The following QRFPR variants were observed in gnomAD, a reference collection of about 807,000 sequenced individuals.
QRFPR encodes the protein pyroglutamylated RFamide peptide receptor.
Under a neutral mutation model 31.3 loss-of-function variants are expected in QRFPR, and 37 were observed. That is an observed-to-expected ratio of 1.18 (90% confidence interval 0.91 to 1.56). QRFPR has a LOEUF of 1.56. QRFPR is among the 40% of genes most tolerant of loss of function. QRFPR has a pLI of 0.00. For missense variants in QRFPR, 542 were observed against 532.5 expected (o/e 1.02, Z -0.18); for synonymous variants, 197 against 192.0 (o/e 1.03, Z -0.22).
rs1239344940 is a variant in QRFPR at position 121,380,479 on chromosome 4, C to T, written c.169G>A (p.Ala57Thr). The change falls in exon 1 of 6, where the codon GCC becomes ACC. Residue 57 changes from alanine (A) to threonine (T), a missense_variant. Coordinates refer to ENST00000394427, the MANE Select transcript of QRFPR (RefSeq NM_198179.3). ...ALVLTGVLIFALALFGNALVF... is the reference protein window; with the variant it reads ...ALVLTGVLIFTLALFGNALVF... ...AGAGCATTGCCAAAGAGCGCCAGGG[C>T]GAAGATGAGCACGCCGGTGAGCACG... 6.2e-7 allele frequency: 1 copy of T among 1,614,102 alleles called. No individual in the cohort carries two copies. The highest frequency in any genetic ancestry group is 8.5e-7 in the Non-Finnish European group (1 of 1,180,034).
intron 1 of QRFPR, among the ~76,000 whole-genome samples, chr4:121,363,483 C>T (rs1262539060): frequency 2.0e-5 from 3 of 150,100 alleles, no homozygotes; most frequent in African/African-American, 7.4e-5. Flanking sequence ...AATAGCCTTG[C>T]CATAATTCTA....
chr4:121,353,116 A>G (rs945668633), intron 1 of QRFPR, among the ~76,000 whole-genome samples: 3 of 152,072 alleles, frequency 2.0e-5, no homozygotes, highest in African/African-American at 7.2e-5. Flanking sequence ...CAATTCATCC[A>G]TTGGTGGATA....
Position 121,367,386 on chromosome 4 carries a change from C to G in QRFPR, c.340+12922G>C, listed in dbSNP as rs567171313. Among the ~76,000 whole-genome samples the G allele has an allele frequency of 2.0e-5, 3 of 150,216 alleles. No homozygotes were observed. The South Asian group carries it at 6.4e-4, about 32-fold the overall frequency. On this transcript the variant is annotated intron_variant, in intron 1 of 5. Transcript: ENST00000394427. ...GCTTCTGAAATAAATGAAAGCAGCA[C>G]CCTTTTCTGTTTTCTGAGTACAAAT... is the stretch of plus-strand genomic sequence containing the variant.
At chr4:121,379,273 C>T (rs1726421258) in intron 1 of QRFPR, among the ~76,000 whole-genome samples, 2 of 152,230 alleles carry the variant, frequency 1.3e-5, no homozygotes, top group Non-Finnish European at 2.9e-5. Context: ...AAAAGCAATG[C>T]TCACGATCTC....
At chr4:121,349,801 C>G (rs1311109056) in intron 1 of QRFPR, among the ~76,000 whole-genome samples, 1 of 152,162 alleles carries the variant, frequency 6.6e-6, no homozygotes, top group Non-Finnish European at 1.5e-5. Flanking sequence ...GAATGGTTAT[C>G]AAATTGTTCA....
chr4:121,358,741 T>C (rs1579582486), intron 1 of QRFPR, among the ~76,000 whole-genome samples: 1 of 152,328 alleles, frequency 6.6e-6, no homozygotes, highest in South Asian at 2.1e-4. Flanking sequence ...TCCTTATTTA[T>C]GACATAAGCT....
At chr4:121,377,411 ATATTT>A (rs755684266) in intron 1 of QRFPR, among the ~76,000 whole-genome samples, 8 of 105,824 alleles carry the variant, frequency 7.6e-5, no homozygotes, top group African/African-American at 2.3e-4. Context: ...ATATATATAT[ATATTT>A]TTTTTTTTTT....
At chr4:121,346,115 G>C (rs1276817061) in intron 1 of QRFPR, among the ~76,000 whole-genome samples, 1 of 152,180 alleles carries the variant, frequency 6.6e-6, no homozygotes, top group Non-Finnish European at 1.5e-5. Flanking sequence ...ACACATTGCA[G>C]TTTCATAAAG....
rs1008608156 is a variant in QRFPR, at chr4:121,338,717, C to T, written c.499+1735G>A. 2.8e-4 allele frequency among the ~76,000 whole-genome samples: 43 copies of T among 152,296 alleles called. 1 individual carries two copies. The highest frequency in any genetic ancestry group is 9.6e-4 in the African/African-American group (40 of 41,566). On this transcript the variant is annotated intron_variant, in intron 2 of 5. Transcript: ENST00000394427. ...GCTGAATGACAGTGTGACAAAGCTA[C>T]AGGAGACATTAGACCACAGTTCACA...
chr4:121,373,203 G>A (rs1726284742), intron 1 of QRFPR, among the ~76,000 whole-genome samples: 1 of 152,194 alleles, frequency 6.6e-6, no homozygotes, highest in African/African-American at 2.4e-5. Flanking sequence ...AGTGCACAGT[G>A]AAATATTTAA....
chr4:121,341,540 A>G lies in QRFPR; in HGVS notation c.341-930T>C, dbSNP rs538186317. Among the ~76,000 whole-genome samples the G allele has an allele frequency of 9.2e-5, 14 of 152,350 alleles. 1 individual carries two copies. Among genetic ancestry groups the G allele is most frequent in the African/African-American group, 3.4e-4 (14 of 41,588 alleles). ...AAATCTGAAATGATCTAAAACCCAA[A>G]GCTTTTTTGAGTGCTGATATGATGC... is the stretch of plus-strand genomic sequence containing the variant. On this transcript the variant is annotated intron_variant, in intron 1 of 5. Transcript: ENST00000394427.
At chr4:121,349,749 T>C (rs1725728560) in intron 1 of QRFPR, among the ~76,000 whole-genome samples, 1 of 152,176 alleles carries the variant, frequency 6.6e-6, no homozygotes, top group African/African-American at 2.4e-5. Flanking sequence ...GCATTTAAAA[T>C]ATAAAATCCT....
At chr4:121,380,270 AAG>A (rs748868531) in intron 1 of QRFPR, 36 bp downstream of exon 1, 71 of 1,413,522 alleles carry the variant, frequency 5.0e-5, no homozygotes, top group Non-Finnish European at 6.7e-5. Context: ...GCAGAGGGTT[AAG>A]AGAGAAGGAG....
chr4:121,340,647 C>A lies in QRFPR; in HGVS notation c.341-37G>T, dbSNP rs1298464509. The A allele has an allele frequency of 3.8e-6, 6 of 1,584,084 alleles. No individual in the cohort carries two copies. In the Admixed American group the frequency reaches 5.2e-5, roughly 14 times the overall value. On this transcript the variant is annotated intron_variant, in intron 1 of 5. Transcript: ENST00000394427. ...AAATAGGACAAATCATACATCAAAACAAAAAGAATAAAGGTTTCATCTGTG... is the reference window on the plus strand; with the variant it reads ...AAATAGGACAAATCATACATCAAAAAAAAAAGAATAAAGGTTTCATCTGTG...
chr4:121,365,597 TATATAATA>T (rs1240887867), intron 1 of QRFPR, among the ~76,000 whole-genome samples: 10,389 of 21,992 alleles, frequency 0.47, 2,534 homozygotes, highest in Non-Finnish European at 0.52. Context: ...ATATTATATA[TATATAATA>T]TATATATTAT....
chr4:121,369,870 C>T (rs545543056), intron 1 of QRFPR: 16 of 830,698 alleles, frequency 1.9e-5, no homozygotes, highest in South Asian at 1.7e-4. Flanking sequence ...GTTATCTCTC[C>T]ACTCTGCAGC....
In QRFPR at chr4:121,380,302, T is replaced by A. The variant is rs200533260; in HGVS notation, c.340+6A>T. 2.3e-4 allele frequency: 362 copies of A among 1,599,410 alleles called. 1 individual carries two copies. The East Asian group carries it at 2.4e-3, about 11-fold the overall frequency. On this transcript the variant is annotated splice_donor_region_variant and intron_variant, in intron 1 of 5. Transcript: ENST00000394427. ...AAGGAGCGAAGGAGCGGGGCGCGAC[T>A]CTTACCCCCCAGCCAGTTGTCGGAA...
intron 1 of QRFPR, among the ~76,000 whole-genome samples, chr4:121,341,236 A>G (rs965342638): frequency 6.6e-6 from 1 of 152,342 alleles, no homozygotes; most frequent in Middle Eastern, 3.4e-3. Flanking sequence ...CAATCTTTTA[A>G]AATGTTTATA....
intron 4 of QRFPR, 127 bp downstream of exon 4, chr4:121,332,694 C>A: frequency 1.4e-6 from 1 of 692,168 alleles, no homozygotes; most frequent in Non-Finnish European, 2.5e-6. Context: ...CAGTCCATGC[C>A]CTAAATTTGA....
Sources: gnomAD v4.1 joint callset for allele counts (sites outside exome capture counted in the v4.1 genomes callset) on GRCh38, gnomAD v4.1.1 for gene constraint, MANE v1.5 for transcripts, NCBI Gene and HGNC (gene_info 2026-07-23, HGNC 2026-07-21) for gene names.